LOC128092253: variants seen among roughly 807,000 people sequenced by gnomAD.
At chr6:133,972,910 A>G in the LOC128092253 span, among the ~76,000 whole-genome samples, 2 of 152,174 alleles carry the variant, frequency 1.3e-5, no homozygotes, top group African/African-American at 4.8e-5. Flanking sequence ...TCACCAATTT[A>G]TAGATGAGAA....
chr6:133,971,136 G>A, the LOC128092253 span, among the ~76,000 whole-genome samples: 5 of 151,124 alleles, frequency 3.3e-5, no homozygotes, highest in Non-Finnish European at 7.4e-5. Flanking sequence ...TTTCTGCTTC[G>A]ATGATAACAC....
the LOC128092253 span, among the ~76,000 whole-genome samples, chr6:133,975,496 C>G: frequency 6.6e-6 from 1 of 152,062 alleles, no homozygotes; most frequent in Non-Finnish European, 1.5e-5. Context: ...CGTCTTCTAA[C>G]CTGTCTTCCT....
the LOC128092253 span, among the ~76,000 whole-genome samples, chr6:133,975,547 G>T: frequency 6.6e-6 from 1 of 152,120 alleles, no homozygotes; most frequent in Non-Finnish European, 1.5e-5. Flanking sequence ...ACCTTAAATT[G>T]TCTAATGAGT....
chr6:133,968,759 CCTTGGGTTCAAG>C, the LOC128092253 span: 1 of 152,152 alleles, frequency 6.6e-6, no homozygotes, highest in African/African-American at 2.4e-5. Context: ...CAGCCTCTGC[CCTTGGGTTCAAG>C]CAGTTCTCTT....
At chr6:133,977,020 C>CT in the LOC128092253 span, among the ~76,000 whole-genome samples, 2 of 151,206 alleles carry the variant, frequency 1.3e-5, no homozygotes, top group Admixed American at 1.3e-4. Flanking sequence ...TTTCGTTGGA[C>CT]TGTCATTCTA....
the LOC128092253 span, among the ~76,000 whole-genome samples, chr6:133,954,616 A>AAAGGCCAC: frequency 6.6e-6 from 1 of 152,222 alleles, no homozygotes. Flanking sequence ...AGCACAATGA[A>AAAGGCCAC]AAGGCCACAT....
chr6:133,965,082 T>C, the LOC128092253 span, among the ~76,000 whole-genome samples: 2 of 152,208 alleles, frequency 1.3e-5, no homozygotes, highest in Non-Finnish European at 2.9e-5. Context: ...GAAGATTTAT[T>C]CAGTCTTTTA....
At chr6:133,956,474 C>T in the LOC128092253 span, among the ~76,000 whole-genome samples, 1 of 152,158 alleles carries the variant, frequency 6.6e-6, no homozygotes. Context: ...TTCTTTATTA[C>T]ATACTGCCTG....
chr6:133,977,574 T>C, the LOC128092253 span, among the ~76,000 whole-genome samples: 1 of 152,136 alleles, frequency 6.6e-6, no homozygotes, highest in African/African-American at 2.4e-5. Context: ...ACAAGTAAAA[T>C]AGTAAATTTG....
At chr6:133,957,546 G>A in the LOC128092253 span, among the ~76,000 whole-genome samples, 5 of 152,134 alleles carry the variant, frequency 3.3e-5, no homozygotes, top group Admixed American at 6.5e-5. Flanking sequence ...TAACGTTCCC[G>A]CTCCTGATAA....
the LOC128092253 span, among the ~76,000 whole-genome samples, chr6:133,977,292 T>C: frequency 7.2e-5 from 11 of 152,326 alleles, no homozygotes; most frequent in East Asian, 3.9e-4. Context: ...ATTATAAAAA[T>C]ATGAATACTT....
the LOC128092253 span, among the ~76,000 whole-genome samples, chr6:133,968,177 C>T: frequency 7.2e-5 from 11 of 152,010 alleles, no homozygotes; most frequent in South Asian, 2.1e-4. Flanking sequence ...TTAGTAGGGA[C>T]GGGGTTTCAC....
chr6:133,970,614 CT>C, the LOC128092253 span, among the ~76,000 whole-genome samples: 290 of 142,298 alleles, frequency 2.0e-3, 1 homozygote, highest in Admixed American at 1.9e-3. Context: ...TTTGTTTTTG[CT>C]TTTTTTTTTT....
the LOC128092253 span, among the ~76,000 whole-genome samples, chr6:133,955,605 C>G: frequency 2.8e-4 from 43 of 152,122 alleles, no homozygotes; most frequent in African/African-American, 1.0e-3. Context: ...AGGTTAAGAG[C>G]CTCTGCTGAA....
the LOC128092253 span, among the ~76,000 whole-genome samples, chr6:133,965,096 A>C: frequency 6.6e-6 from 1 of 152,204 alleles, no homozygotes; most frequent in African/African-American, 2.4e-5. Flanking sequence ...TCTTTTAGCT[A>C]CCCTAGTGAA....
At chr6:133,959,175 G>T in the LOC128092253 span, among the ~76,000 whole-genome samples, 1 of 152,068 alleles carries the variant, frequency 6.6e-6, no homozygotes, top group Non-Finnish European at 1.5e-5. Context: ...AAGTAGTTGG[G>T]ATTACAGGCA....
At chr6:133,978,685 T>C in the LOC128092253 span, among the ~76,000 whole-genome samples, 4 of 152,106 alleles carry the variant, frequency 2.6e-5, no homozygotes, top group Non-Finnish European at 5.9e-5. Context: ...TGAGGTACAA[T>C]TGATACACAG....
the LOC128092253 span, among the ~76,000 whole-genome samples, chr6:133,958,810 G>A: frequency 4.6e-5 from 7 of 152,218 alleles, no homozygotes; most frequent in Admixed American, 3.3e-4. Context: ...TGCTTTAAAT[G>A]TGCAGGGTAA....
chr6:133,954,446 G>A, the LOC128092253 span, among the ~76,000 whole-genome samples: 1 of 152,242 alleles, frequency 6.6e-6, no homozygotes, highest in Non-Finnish European at 1.5e-5. Context: ...TTCCTATTGA[G>A]AAGTGACTGT....
Sources: gnomAD v4.1 joint callset for allele counts (sites outside exome capture counted in the v4.1 genomes callset) on GRCh38, gnomAD v4.1.1 for gene constraint, MANE v1.5 for transcripts.